The following UBE3C variants were observed in gnomAD, a reference collection of about 807,000 sequenced individuals.
UBE3C encodes ubiquitin-protein ligase E3C.
In UBE3C, 42 loss-of-function variants were observed where a neutral mutation model predicts 129.4. The ratio of observed to expected loss-of-function variants is 0.32; its 90% CI spans 0.25 to 0.42. The LOEUF (loss-of-function observed/expected upper bound fraction) is 0.42. Ranked by LOEUF, UBE3C falls within the 10% of genes least tolerant of loss-of-function variation. The pLI, the probability that UBE3C is intolerant of heterozygous loss-of-function variation, is 1.00. For synonymous variants in UBE3C, 510 were observed against 492.4 expected (o/e 1.04, Z -0.47); for missense variants, 1,049 against 1,319.1 (o/e 0.80, Z 3.17).
chr7:157,258,194 A>T (rs564890511), intron 22 of UBE3C, among the ~76,000 whole-genome samples: 25 of 152,058 alleles, frequency 1.6e-4, no homozygotes, highest in Non-Finnish European at 3.7e-4. Context: ...AAATCCTCTC[A>T]CTTCAGCCTC....
rs781237354 is a variant in UBE3C at position 157,248,371 on chromosome 7, C to T, written c.2485C>T (p.Leu829Phe). ...YFLGRMLGKA[L>F]YENMLVELPF... ...TTGTCACTGTTCTCTTTTGAAGGCT[C>T]TCTATGAGAACATGCTGGTGGAGCT... Residue 829 changes from leucine (L) to phenylalanine (F), a missense_variant, in exon 19 of 23, where the codon CTC becomes TTC. Coordinates refer to ENST00000348165, the MANE Select transcript of UBE3C (RefSeq NM_014671.3). 5 of 1,613,008 alleles carry T rather than the reference C, an allele frequency of 3.1e-6. No homozygotes were observed.
At position 157,225,402 on chromosome 7, in the gene UBE3C, G is replaced by T; in HGVS notation, c.2101-5G>T. 1.3e-6 allele frequency: 2 copies of T among 1,595,052 alleles called. No individual in the cohort carries two copies. The highest frequency in any genetic ancestry group is 2.3e-5 in the East Asian group (1 of 44,252). ...AATAACCTTACAGCTTTCCTTGTTT[G>T]TTAGATCTTTCAGAGGTTGATTTAT... is the stretch of plus-strand genomic sequence containing the variant. On this transcript the variant is annotated splice_polypyrimidine_tract_variant and splice_region_variant and intron_variant, in intron 16 of 22. Transcript: ENST00000348165.
chr7:157,248,762 A>G, intron 19 of UBE3C, 182 bp downstream of exon 19: 1 of 626,672 alleles, frequency 1.6e-6, no homozygotes. Context: ...GTCTGAGCTG[A>G]GTGCAGTTCC....
Position 157,186,816 on chromosome 7 carries a change from TG to T in UBE3C, c.1144-17del. ...GTTGAGCACATTTATGGAGACTGGT[TG>T]TTCTGGTATGTTCTAGGAGGATGGC... On this transcript the variant is annotated splice_polypyrimidine_tract_variant and intron_variant, in intron 9 of 22. Coordinates refer to ENST00000348165, the MANE Select transcript of UBE3C (RefSeq NM_014671.3). 6.2e-7 allele frequency: 1 copy of T among 1,612,348 alleles called. No individual in the cohort carries two copies. Among genetic ancestry groups the T allele is most frequent in the Non-Finnish European group, 8.5e-7 (1 of 1,178,662 alleles).
rs182485533 is a variant in UBE3C at position 157,241,174 on chromosome 7, C to T, written c.2482-7194C>T. Among the ~76,000 whole-genome samples the T allele has an allele frequency of 1.0e-3, 155 of 152,160 alleles. 1 individual carries two copies. Among genetic ancestry groups the T allele is most frequent in the African/African-American group, 3.3e-3 (135 of 41,512 alleles). On this transcript the variant is annotated intron_variant, in intron 18 of 22. Coordinates refer to ENST00000348165, the MANE Select transcript of UBE3C (RefSeq NM_014671.3). ...GCAGAGTGCTCTGAGGATCACAGAG[C>T]GCTGCAGGGCATGTGGGAAAATGGA...
At position 157,176,981 on chromosome 7, in the gene UBE3C, C is replaced by G. The variant is rs548426352; in HGVS notation, c.459-1709C>G. On this transcript the variant is annotated intron_variant, in intron 5 of 22. Transcript: ENST00000348165. ...TTCTTTTTCTGTAAATGTGGCCTTC[C>G]AGAACCACCTGCAGCTCCTTTTATG... 5.9e-5 allele frequency among the ~76,000 whole-genome samples: 9 copies of G among 152,304 alleles called. No homozygotes were observed. The East Asian group carries it at 1.5e-3, about 26-fold the overall frequency.
chr7:157,253,957 G>A lies in UBE3C; in HGVS notation c.2698G>A (p.Val900Ile), dbSNP rs1349751153. The A allele has an allele frequency of 3.2e-6, 5 of 1,579,750 alleles. No individual in the cohort carries two copies. Among genetic ancestry groups the A allele is most frequent in the Admixed American group, 1.8e-5 (1 of 55,610 alleles). Reference protein sequence around the residue: ...VNNDLGEAQVVELKFGGKDIP... With the variant: ...VNNDLGEAQVIELKFGGKDIP... ...TCCTTACGTTTTGTATTCCCAGGTA[G>A]TTGAACTAAAATTCGGTGGGAAAGA... The change falls in exon 20 of 23, where the codon GTT (valine) becomes ATT (isoleucine). Residue 900 changes from valine to isoleucine, a missense_variant. Around this residue, in one of 4 missense-constraint regions of UBE3C, gnomAD observed 243 missense variants for 368.7 expected, o/e 0.66. Transcript: ENST00000348165.
intron 5 of UBE3C, among the ~76,000 whole-genome samples, chr7:157,178,124 C>A (rs1475245497): frequency 6.6e-6 from 1 of 152,166 alleles, no homozygotes; most frequent in Non-Finnish European, 1.5e-5. Flanking sequence ...TGCTCTGTGT[C>A]TTGATTGGTG....
At chr7:157,224,423 T>G (rs1224414106) in intron 16 of UBE3C, among the ~76,000 whole-genome samples, 2 of 152,092 alleles carry the variant, frequency 1.3e-5, no homozygotes, top group African/African-American at 4.8e-5. Context: ...CTCGATCTCC[T>G]GACCTCGTGA....
At chr7:157,238,677 C>CTG (rs1796216141) in intron 18 of UBE3C, among the ~76,000 whole-genome samples, 1 of 152,082 alleles carries the variant, frequency 6.6e-6, no homozygotes, top group South Asian at 2.1e-4. Flanking sequence ...AGTATCTGGG[C>CTG]TGAGCCATCA....
intron 22 of UBE3C, among the ~76,000 whole-genome samples, chr7:157,260,004 C>T (rs1194504127): frequency 1.3e-5 from 2 of 152,046 alleles, no homozygotes; most frequent in African/African-American, 2.4e-5. Flanking sequence ...CAATCATCGA[C>T]GCCGTTATGT....
chr7:157,189,068 A>G (rs1035801514), intron 10 of UBE3C: 6 of 425,634 alleles, frequency 1.4e-5, no homozygotes, highest in Admixed American at 1.2e-4. Context: ...TTTTCCTATA[A>G]GAAGGATGGA....
intron 22 of UBE3C, among the ~76,000 whole-genome samples, chr7:157,267,244 A>G (rs181860592): frequency 4.2e-4 from 64 of 152,268 alleles, no homozygotes; most frequent in Admixed American, 3.6e-3. Flanking sequence ...CAACGTGGTG[A>G]AACCCCTTAT....
intron 14 of UBE3C, chr7:157,217,224 T>G (rs1464300586): frequency 3.3e-6 from 1 of 303,594 alleles, no homozygotes; most frequent in African/African-American, 2.2e-5. Context: ...TATTAAAGCC[T>G]TAATGATTCT....
intron 10 of UBE3C, among the ~76,000 whole-genome samples, chr7:157,195,872 G>A (rs530028094): frequency 1.6e-4 from 24 of 152,278 alleles, no homozygotes; most frequent in African/African-American, 4.8e-4. Flanking sequence ...GAGTGGTGGC[G>A]GGGCGGGGGT....
chr7:157,149,203 C>T (rs1807689655), intron 1 of UBE3C, among the ~76,000 whole-genome samples: 2 of 152,138 alleles, frequency 1.3e-5, no homozygotes, highest in East Asian at 1.9e-4. Flanking sequence ...ATTACAGGTG[C>T]CTGCCACCAC....
In UBE3C at chr7:157,153,842, A is replaced by AC. The variant is rs60479472; in HGVS notation, c.67-9968_67-9967insC. On this transcript the variant is annotated intron_variant, in intron 1 of 22. Coordinates refer to ENST00000348165, the MANE Select transcript of UBE3C (RefSeq NM_014671.3). ...AAATACAAAACAAACAAACAAACAA[A>AC]AAAACGGGCATGGTGGTATATGTAC... is the stretch of plus-strand genomic sequence containing the variant. 3.4e-3 allele frequency among the ~76,000 whole-genome samples: 506 copies of AC among 148,432 alleles called. 2 individuals are homozygous for AC. Among genetic ancestry groups the AC allele is most frequent in the African/African-American group, 0.012 (472 of 39,470 alleles).
intron 14 of UBE3C, among the ~76,000 whole-genome samples, chr7:157,218,308 G>A (rs1240024211): frequency 1.3e-5 from 2 of 151,998 alleles, no homozygotes; most frequent in East Asian, 1.9e-4. Context: ...AGCCAGGCAC[G>A]GTGGTGTGCG....
At chr7:157,159,644 G>A (rs1808014521) in intron 1 of UBE3C, among the ~76,000 whole-genome samples, 1 of 152,220 alleles carries the variant, frequency 6.6e-6, no homozygotes, top group Non-Finnish European at 1.5e-5. Context: ...GAGACGGGTG[G>A]ATCACTTGAG....
Sources: allele counts gnomAD v4.1 joint callset (sites outside exome capture counted in the v4.1 genomes callset), GRCh38; gene constraint gnomAD v4.1.1; regional missense constraint gnomAD v4.1.1; transcripts MANE v1.5; gene names NCBI Gene and HGNC (gene_info 2026-07-23, HGNC 2026-07-21).